The following EFCAB7 variants were observed in gnomAD, a reference collection of about 807,000 sequenced individuals.
The protein encoded by EFCAB7 is EF-hand calcium-binding domain-containing protein 7.
EFCAB7 carries 66 observed loss-of-function variants against 77.1 expected under a neutral mutation model. That is an observed-to-expected ratio of 0.86 (90% CI 0.70 to 1.05). The LOEUF (loss-of-function observed/expected upper bound fraction) is 1.05. Ranked by LOEUF, EFCAB7 falls within the 50% of genes least tolerant of loss-of-function variation. The pLI is 0.00. For synonymous variants in EFCAB7, 225 were observed against 243.3 expected (o/e 0.92, Z 0.70); for missense variants, 638 against 730.5 (o/e 0.87, Z 1.46).
At chr1:63,524,852 A>G (rs1249751508) in intron 1 of EFCAB7, among the ~76,000 whole-genome samples, 2 of 152,236 alleles carry the variant, frequency 1.3e-5, no homozygotes, top group African/African-American at 2.4e-5. Context: ...GACAAGATGT[A>G]TGACAGTTCT....
At chr1:63,546,182 T>A (rs1482202679) in intron 7 of EFCAB7, 125 bp downstream of exon 7, 1 of 1,056,502 alleles carries the variant, frequency 9.5e-7, no homozygotes, top group African/African-American at 1.6e-5. Flanking sequence ...AATTTATGGT[T>A]ACATTTCAAG....
the EFCAB7 span, among the ~76,000 whole-genome samples, chr1:63,580,408 A>G: frequency 6.6e-6 from 1 of 152,152 alleles, no homozygotes; most frequent in Non-Finnish European, 1.5e-5. Context: ...TCTATTTCTG[A>G]ACTCTATTCT....
chr1:63,551,780 T>C lies in EFCAB7; in HGVS notation c.1002T>C (p.Asn334=), dbSNP rs1169265336. The C allele has an allele frequency of 1.9e-6, 3 of 1,590,634 alleles. No individual in the cohort carries two copies. The highest frequency in any genetic ancestry group is 2.6e-6 in the Non-Finnish European group (3 of 1,168,150). The change falls in exon 8 of 14, where the codon AAT becomes AAC. Residue 334 remains asparagine, a synonymous_variant. Transcript: ENST00000371088. The part of the protein sequence containing the change: ...VDTALYILKE[N]ESQANLQLVC... ...CTGCCTTGTATATTCTCAAGGAAAATGAGAGTCAAGCAAATCTACAGCTTG... is the reference window on the plus strand; with the variant it reads ...CTGCCTTGTATATTCTCAAGGAAAACGAGAGTCAAGCAAATCTACAGCTTG...
intron 8 of EFCAB7, 35 bp from the exon 9 acceptor site, chr1:63,555,323 C>T (rs1430790654): frequency 6.4e-7 from 1 of 1,572,290 alleles, no homozygotes; most frequent in African/African-American, 1.4e-5. Flanking sequence ...AAGATTAAGA[C>T]TGATGATTGT....
intron 2 of EFCAB7, chr1:63,530,036 C>T (rs1203903096): frequency 6.6e-6 from 1 of 152,088 alleles, no homozygotes; most frequent in African/African-American, 2.4e-5. Context: ...TGAGCCACCA[C>T]GCCAGTCTAG....
At chr1:63,537,554 C>T (rs13376270) in intron 6 of EFCAB7, among the ~76,000 whole-genome samples, 3,263 of 152,112 alleles carry the variant, frequency 0.021, 122 homozygotes, top group African/African-American at 0.074. Context: ...GTGAAAGCTC[C>T]AGATAATAAT....
intron 7 of EFCAB7, chr1:63,548,343 C>T (rs545727209): frequency 1.7e-4 from 26 of 152,184 alleles, no homozygotes; most frequent in Non-Finnish European, 2.9e-4. Flanking sequence ...GTTTCCCCCT[C>T]GTTTTTTGTG....
chr1:63,546,388 G>A (rs1646898753), intron 7 of EFCAB7, among the ~76,000 whole-genome samples: 3 of 149,752 alleles, frequency 2.0e-5, no homozygotes, highest in Admixed American at 6.6e-5. Flanking sequence ...TTTTTGAGAC[G>A]GAGTCTCCCT....
intron 12 of EFCAB7, 132 bp downstream of exon 12, chr1:63,568,651 T>C: frequency 1.6e-6 from 1 of 639,574 alleles, no homozygotes; most frequent in East Asian, 3.4e-5. Context: ...TGCATAATTA[T>C]TTTTTCTCCT....
At chr1:63,536,407 G>T (rs1235555721) in intron 6 of EFCAB7, among the ~76,000 whole-genome samples, 1 of 151,894 alleles carries the variant, frequency 6.6e-6, no homozygotes, top group Non-Finnish European at 1.5e-5. Flanking sequence ...TTTAAGACAA[G>T]AGTTTCACTC....
In EFCAB7 at chr1:63,568,342, A is replaced by C; in HGVS notation, c.1530A>C (p.Glu510Asp). 6.2e-7 allele frequency: 1 copy of C among 1,603,716 alleles called. No individual in the cohort carries two copies. Among genetic ancestry groups the C allele is most frequent in the Middle Eastern group, 1.7e-4 (1 of 5,990 alleles). Residue 510 changes from glutamate to aspartate, a missense_variant, in exon 12 of 14, where the codon GAA (glutamate) becomes GAC (aspartate). Glu to Asp is a conservative substitution (Grantham distance 45). Transcript: ENST00000371088. ...ACPFVIDIYAEKCKPKIKAVH... is the reference protein window; with the variant it reads ...ACPFVIDIYADKCKPKIKAVH... Reference sequence around the variant, plus strand: ...CATTTGTCATTGATATCTATGCAGAAAAATGCAAGCCAAAAATTAAAGCTG... The same window carrying C: ...CATTTGTCATTGATATCTATGCAGACAAATGCAAGCCAAAAATTAAAGCTG...
chr1:63,562,445 TTATTTATATATATATATATATATATATA>T (rs1233354175), intron 11 of EFCAB7, among the ~76,000 whole-genome samples: 102 of 71,066 alleles, frequency 1.4e-3, no homozygotes, highest in African/African-American at 5.1e-3. Flanking sequence ...CCTTCTTAAT[TTATTTATATATATATATATATATATATA>T]TATATATATA....
downstream of EFCAB7, among the ~76,000 whole-genome samples, chr1:63,574,757 T>C (rs1001159975): frequency 1.3e-5 from 2 of 152,212 alleles, no homozygotes; most frequent in Admixed American, 6.5e-5. Context: ...GAAATTTCTT[T>C]CTGCCCATAT....
intron 6 of EFCAB7, among the ~76,000 whole-genome samples, chr1:63,542,991 G>A (rs148977557): frequency 3.8e-4 from 58 of 152,262 alleles, no homozygotes; most frequent in Middle Eastern, 3.4e-3. Context: ...ATTGTTGCTT[G>A]TGCTTTTGTT....
chr1:63,568,536 G>T lies in EFCAB7; in HGVS notation c.1707+17G>T, dbSNP rs373816340. On this transcript the variant is annotated intron_variant, in intron 12 of 13. Coordinates refer to ENST00000371088, the MANE Select transcript of EFCAB7 (RefSeq NM_032437.4). ...GAAAACAAGGTATCAATTATGAGGT[G>T]GTTTTCCTCATTTTGCTACAAAGCT... 2.5e-6 allele frequency: 4 copies of T among 1,580,440 alleles called. No individual in the cohort carries two copies. The highest frequency in any genetic ancestry group is 2.3e-5 in the South Asian group (2 of 87,866).
chr1:63,549,126 G>C (rs956870903), intron 7 of EFCAB7: 1 of 283,046 alleles, frequency 3.5e-6, no homozygotes, highest in African/African-American at 2.3e-5. Flanking sequence ...CAAGGCTGGC[G>C]CAGTCGGTTT....
At chr1:63,570,205 G>C (rs1344485634) in intron 12 of EFCAB7, 1 of 152,180 alleles carries the variant, frequency 6.6e-6, no homozygotes, top group Non-Finnish European at 1.5e-5. Context: ...AATTCAGGTA[G>C]TCTAACATTA....
chr1:63,565,503 A>G (rs1318995604), intron 11 of EFCAB7, among the ~76,000 whole-genome samples: 1 of 152,224 alleles, frequency 6.6e-6, no homozygotes, highest in Non-Finnish European at 1.5e-5. Context: ...AGATGCCACA[A>G]GCAATTGCAA....
At chr1:63,558,234 C>G (rs566674201) in intron 10 of EFCAB7, among the ~76,000 whole-genome samples, 158 of 152,162 alleles carry the variant, frequency 1.0e-3, no homozygotes, top group African/African-American at 3.7e-3. Context: ...TTAATTGGCA[C>G]TAGAGAACAT....
Sources: gnomAD v4.1 joint callset for allele counts (sites outside exome capture counted in the v4.1 genomes callset) on GRCh38, gnomAD v4.1.1 for gene constraint, MANE v1.5 for transcripts, NCBI Gene and HGNC (gene_info 2026-07-23, HGNC 2026-07-21) for gene names.